SLC25A22: variants seen among roughly 807,000 people sequenced by gnomAD.
The protein encoded by SLC25A22 is mitochondrial glutamate carrier 1.
In SLC25A22, 23 loss-of-function variants were observed where a neutral mutation model predicts 33.7. The ratio of observed to expected loss-of-function variants is 0.68; its 90% CI spans 0.49 to 0.97. The LOEUF (loss-of-function observed/expected upper bound fraction) is 0.97, where lower values mean the gene tolerates loss of function less well. Among genes scored for constraint, SLC25A22 ranks in the 50% least tolerant of loss-of-function variants. The pLI is 0.00. For synonymous variants in SLC25A22, 245 were observed against 203.8 expected (o/e 1.20, Z -1.72); for missense variants, 390 against 451.1 (o/e 0.86, Z 1.23).
intron 1 of SLC25A22, 115 bp from the exon 2 acceptor site, chr11:795,284 A>C: frequency 1.7e-6 from 1 of 593,392 alleles, no homozygotes; most frequent in Admixed American, 2.5e-5. Flanking sequence ...TGAAGCCGTC[A>C]CTGCGTCCTG....
intron 7 of SLC25A22, 43 bp downstream of exon 7, chr11:792,510 C>T (rs770447427): frequency 1.2e-5 from 19 of 1,612,364 alleles, no homozygotes; most frequent in East Asian, 6.7e-5. Flanking sequence ...GTGGGCAGGC[C>T]GGCCTCCCCC....
chr11:794,462 G>C lies in SLC25A22; in HGVS notation c.198C>G (p.Tyr66Ter). Residue 66 changes from tyrosine to a stop codon, truncating the protein, a stop_gained, in exon 4 of 10, where the codon TAC (tyrosine) becomes TAG (stop). Coordinates refer to ENST00000628067, the MANE Select transcript of SLC25A22 (RefSeq NM_001191061.2). LOFTEE classifies it high-confidence loss of function. ...CCCAGCCGAGCCAAACCTCACCCCG[G>C]TACATGCCGAAGTAGCCCTCGGAGC... Reference protein sequence around the residue: ...TVRSEGYFGMYRGAAVNLTLV... With the variant: ...TVRSEGYFGM 1 of 1,612,918 alleles carries C rather than the reference G, an allele frequency of 6.2e-7. No homozygotes were observed. The highest frequency in any genetic ancestry group is 8.5e-7 in the Non-Finnish European group (1 of 1,179,836).
rs780387293 is a variant in SLC25A22, at chr11:792,461, G to T, written c.588-3C>A. On this transcript the variant is annotated splice_region_variant and splice_polypyrimidine_tract_variant and intron_variant, in intron 7 of 9. Coordinates refer to ENST00000628067, the MANE Select transcript of SLC25A22 (RefSeq NM_001191061.2). ...ACACCACAGAGAAGGGGACATCCCT[G>T]TGGGGAGGGAGGTGGCCGTGGGGAC... 5.6e-6 allele frequency: 9 copies of T among 1,613,300 alleles called. No individual in the cohort carries two copies. The highest frequency in any genetic ancestry group is 6.8e-6 in the Non-Finnish European group (8 of 1,179,934).
At chr11:793,450 G>C (rs537975784) in intron 5 of SLC25A22, 79 bp downstream of exon 5, 27 of 1,391,844 alleles carry the variant, frequency 1.9e-5, no homozygotes, top group African/African-American at 2.8e-5. Context: ...GCCCCCAGGT[G>C]GGACCCAGCT....
At chr11:798,127 C>G (rs1475887563) in intron 1 of SLC25A22, 90 bp downstream of exon 1, 1 of 398,236 alleles carries the variant, frequency 2.5e-6, no homozygotes, top group East Asian at 3.6e-5. Flanking sequence ...CAGCTGTCAC[C>G]TCCCTCGGCC....
Position 791,881 on chromosome 11 carries a change from T to C in SLC25A22, c.*34A>G, listed in dbSNP as rs74994790. On this transcript the variant is annotated 3_prime_UTR_variant, in exon 10 of 10. Transcript: ENST00000628067. ...CCTGGCTCCAGCCCCACACCGGCCCTGCCCAGCTGGCTGGGGTGGAGCGGG... is the reference window on the plus strand; with the variant it reads ...CCTGGCTCCAGCCCCACACCGGCCCCGCCCAGCTGGCTGGGGTGGAGCGGG... 1 of 1,566,268 alleles carries C rather than the reference T, an allele frequency of 6.4e-7. No homozygotes were observed. The highest frequency in any genetic ancestry group is 8.6e-7 in the Non-Finnish European group (1 of 1,163,648).
intron 4 of SLC25A22, 152 bp downstream of exon 4, chr11:794,306 C>G (rs1190224552): frequency 1.1e-6 from 1 of 909,046 alleles, no homozygotes; most frequent in African/African-American, 1.6e-5. Flanking sequence ...ATCCAGTCCC[C>G]CCTGCACAGG....
rs1864522606 is a variant in SLC25A22, at chr11:791,664, G to A, written c.*251C>T. 4 of 572,010 alleles carry A rather than the reference G, an allele frequency of 7.0e-6. No homozygotes were observed. The East Asian group carries it at 1.2e-4, about 18-fold the overall frequency. 35.4% of individuals were successfully genotyped at this position (572,010 alleles called of 1,614,324 possible). On this transcript the variant is annotated 3_prime_UTR_variant, in exon 10 of 10. Transcript: ENST00000628067. ...TTCAGGCCAGGGCAGGATTGGGGCAGGGGCTAGCTTGAGGAATGTAAAGAT... is the reference window on the plus strand; with the variant it reads ...TTCAGGCCAGGGCAGGATTGGGGCAAGGGCTAGCTTGAGGAATGTAAAGAT...
At position 793,099 on chromosome 11, in the gene SLC25A22, T is replaced by A; in HGVS notation, c.294-111A>T. Reference sequence around the variant, plus strand: ...GGATGGTGGGAGCCGTGGAGGCAGATGCAGGCCTGTGGGGGTACAGCCCCC... The same window carrying A: ...GGATGGTGGGAGCCGTGGAGGCAGAAGCAGGCCTGTGGGGGTACAGCCCCC... On this transcript the variant is annotated intron_variant, in intron 5 of 9. Transcript: ENST00000628067. 3.9e-6 allele frequency: 4 copies of A among 1,015,486 alleles called. No homozygotes were observed. In the South Asian group the frequency reaches 5.4e-5, roughly 14 times the overall value. 62.9% of individuals were successfully genotyped at this position (1,015,486 alleles called of 1,614,324 possible).
intron 7 of SLC25A22, 34 bp from the exon 8 acceptor site, chr11:792,492 G>A (rs377354540): frequency 1.2e-5 from 20 of 1,612,616 alleles, no homozygotes; most frequent in South Asian, 6.6e-5. Flanking sequence ...GGGACAGGAG[G>A]TGGTGGGGTG....
chr11:793,020 AAG>A (rs1212786040), intron 5 of SLC25A22, 32 bp from the exon 6 acceptor site: 2 of 1,602,818 alleles, frequency 1.2e-6, no homozygotes, highest in Non-Finnish European at 1.7e-6. Context: ...AGTAAGTGGG[AAG>A]AGACAGGTCT....
chr11:793,795 A>G, intron 4 of SLC25A22, 176 bp from the exon 5 acceptor site: 1 of 632,008 alleles, frequency 1.6e-6, no homozygotes, highest in South Asian at 1.8e-5. Flanking sequence ...CCAGGCAGGG[A>G]TGGGGCAGCA....
At position 792,940 on chromosome 11, in the gene SLC25A22, G is replaced by C; in HGVS notation, c.342C>G (p.Gly114=). 2 of 1,613,190 alleles carry C rather than the reference G, an allele frequency of 1.2e-6. No individual in the cohort carries two copies. Among genetic ancestry groups the C allele is most frequent in the Non-Finnish European group, 1.7e-6 (2 of 1,179,906 alleles). Residue 114 remains glycine (G), a synonymous_variant, in exon 6 of 10, where the codon GGC becomes GGG. Transcript: ENST00000628067. ...GCGTGGTCACGATCACCTGGCAGGT[G>C]CCAGCCCCACAGCCCGCCAGCATCT... ...LKEMLAGCGA[G]TCQVIVTTPM... is the part of the protein sequence containing the mutation.
chr11:797,698 G>T, intron 1 of SLC25A22: 1 of 398,704 alleles, frequency 2.5e-6, no homozygotes, highest in Non-Finnish European at 4.4e-6. Context: ...TCTTGGGGCG[G>T]TGCTTTCTAT....
At position 795,074 on chromosome 11, in the gene SLC25A22, G is replaced by A; in HGVS notation, c.-68C>T. The A allele has an allele frequency of 6.5e-7, 1 of 1,542,930 alleles. No individual in the cohort carries two copies. Among genetic ancestry groups the A allele is most frequent in the Non-Finnish European group, 8.8e-7 (1 of 1,142,608 alleles). ...CAGGCCAGGCGGGGTGGAGGTGGAG[G>A]TGGAGGAGGCCTTGAGGGAGGGTGG... On this transcript the variant is annotated 5_prime_UTR_variant, in exon 2 of 10. Coordinates refer to ENST00000628067, the MANE Select transcript of SLC25A22 (RefSeq NM_001191061.2).
At chr11:797,549 C>A (rs1864896558) in intron 1 of SLC25A22, 2 of 398,120 alleles carry the variant, frequency 5.0e-6, no homozygotes, top group Non-Finnish European at 8.8e-6. Context: ...CAGGAAGATA[C>A]CGCTGCTTCC....
intron 5 of SLC25A22, 160 bp downstream of exon 5, chr11:793,369 G>A (rs1320191082): frequency 1.8e-5 from 13 of 711,862 alleles, no homozygotes; most frequent in East Asian, 5.4e-5. Flanking sequence ...TGCTCCCCTG[G>A]TCAGGGGAAA....
At chr11:794,266 G>T in intron 4 of SLC25A22, 192 bp downstream of exon 4, 1 of 744,902 alleles carries the variant, frequency 1.3e-6, no homozygotes, top group Non-Finnish European at 2.4e-6. Context: ...AGCTGCCACG[G>T]GAGAGGCTGA....
chr11:795,238 CCT>C (rs1448027939), intron 1 of SLC25A22, 69 bp from the exon 2 acceptor site: 1 of 655,704 alleles, frequency 1.5e-6, no homozygotes, highest in Non-Finnish European at 2.7e-6. Flanking sequence ...CCCCAGCCTC[CCT>C]CTCTCACGCA....
Sources: gnomAD v4.1 joint callset for allele counts on GRCh38, gnomAD v4.1.1 for gene constraint, MANE v1.5 for transcripts, NCBI Gene and HGNC (gene_info 2026-07-23, HGNC 2026-07-21) for gene names.